The following NUTM2E variants were observed in gnomAD, a reference collection of about 807,000 sequenced individuals.
NUTM2E encodes NUT family member 2E, also known as family with sequence similarity 22, member E.
Under a neutral mutation model 26.1 loss-of-function variants are expected in NUTM2E, and 3 were observed. The observed-to-expected ratio is 0.12, with a 90% CI of 0.05 to 0.30. The LOEUF (loss-of-function observed/expected upper bound fraction) is 0.30, where lower values mean the gene tolerates loss of function less well. Among genes scored for constraint, NUTM2E ranks in the 10% least tolerant of loss-of-function variants. The pLI is 1.00. For missense variants in NUTM2E, 62 were observed against 381.3 expected, an observed-to-expected ratio of 0.16 and a Z score of 6.97; for synonymous variants, 13 against 157.5, an observed-to-expected ratio of 0.08 and a Z score of 6.87.
chr10:79,832,093 TC>T, intron 1 of NUTM2E, among the ~76,000 whole-genome samples: 1 of 152,240 alleles, frequency 6.6e-6, no homozygotes, highest in South Asian at 2.1e-4. Context: ...ACTAATTACT[TC>T]CCAAGGGCCC....
At chr10:79,838,179 G>C (rs1841975547) in intron 1 of NUTM2E, among the ~76,000 whole-genome samples, 130 bp from the exon 2 acceptor site, 1 of 148,010 alleles carries the variant, frequency 6.8e-6, no homozygotes, top group Non-Finnish European at 1.5e-5. Flanking sequence ...GTCTTTATTT[G>C]TAAATCCCAC....
intron 5 of NUTM2E, among the ~76,000 whole-genome samples, chr10:79,845,380 T>G (rs1168819448): frequency 8.8e-6 from 1 of 113,208 alleles, no homozygotes; most frequent in Non-Finnish European, 2.2e-5. Context: ...GGCCCTGCAC[T>G]GGGGCCGATG....
chr10:79,828,022 C>T (rs1841899579), intron 1 of NUTM2E, among the ~76,000 whole-genome samples: 1 of 151,310 alleles, frequency 6.6e-6, no homozygotes. Context: ...CGCAAACTCC[C>T]GACCTTAGGT....
intron 1 of NUTM2E, among the ~76,000 whole-genome samples, chr10:79,835,909 T>C (rs1173069260): frequency 8.9e-5 from 13 of 146,432 alleles, no homozygotes; most frequent in Non-Finnish European, 1.8e-4. Flanking sequence ...CACACGATTA[T>C]GCTAGTTTTT....
Position 79,830,310 on chromosome 10 carries a change from C to G in NUTM2E, c.-2728+2953C>G, listed in dbSNP as rs572222392. Among the ~76,000 whole-genome samples, 10 of 151,560 alleles carry G rather than the reference C, an allele frequency of 6.6e-5. No homozygotes were observed. The South Asian group carries it at 2.1e-3, about 32-fold the overall frequency. The stretch of plus-strand genomic sequence containing the variant: ...ATGCATCTGGATGGTTAAAAAAATC[C>G]AATCATACATAACTGAAGAAAATGT... On this transcript the variant is annotated intron_variant, in intron 1 of 9. Transcript: ENST00000429984.
At chr10:79,832,860 A>G (rs61862764) in intron 1 of NUTM2E, among the ~76,000 whole-genome samples, 11,258 of 151,604 alleles carry the variant, frequency 0.074, 753 homozygotes, top group South Asian at 0.2. Flanking sequence ...AATGAGAAAC[A>G]GTGTATGTGT....
intron 1 of NUTM2E, among the ~76,000 whole-genome samples, chr10:79,828,102 G>T (rs1841900691): frequency 6.6e-6 from 1 of 151,462 alleles, no homozygotes; most frequent in South Asian, 2.1e-4. Context: ...GCCGACAGGT[G>T]TTTTTTATGA....
chr10:79,834,420 G>T (rs1420625683), intron 1 of NUTM2E, among the ~76,000 whole-genome samples: 2 of 151,426 alleles, frequency 1.3e-5, no homozygotes, highest in African/African-American at 4.8e-5. Context: ...TCACAGTTGG[G>T]CAGGGCATGG....
At chr10:79,831,314 G>A (rs1417846189) in intron 1 of NUTM2E, among the ~76,000 whole-genome samples, 1 of 151,244 alleles carries the variant, frequency 6.6e-6, no homozygotes, top group Non-Finnish European at 1.5e-5. Flanking sequence ...CTACTTAACA[G>A]TTAAACATTA....
chr10:79,849,011 G>C, intron 8 of NUTM2E, 116 bp downstream of exon 8: 1 of 862,568 alleles, frequency 1.2e-6, no homozygotes, highest in Non-Finnish European at 1.7e-6. Context: ...CCATGGATTT[G>C]AGTGTCTGTG....
chr10:79,828,012 C>T (rs1841899488), intron 1 of NUTM2E, among the ~76,000 whole-genome samples: 1 of 151,422 alleles, frequency 6.6e-6, no homozygotes. Flanking sequence ...TCAGGCTGGT[C>T]GCAAACTCCC....
intron 1 of NUTM2E, among the ~76,000 whole-genome samples, chr10:79,834,844 A>AC (rs1841951612): frequency 2.0e-5 from 3 of 149,000 alleles, no homozygotes; most frequent in African/African-American, 4.9e-5. Context: ...ACACACACAC[A>AC]AACACACAAA....
At chr10:79,833,036 C>T (rs1419855166) in intron 1 of NUTM2E, among the ~76,000 whole-genome samples, 1 of 151,596 alleles carries the variant, frequency 6.6e-6, no homozygotes, top group Non-Finnish European at 1.5e-5. Flanking sequence ...ACAGAATATT[C>T]AAATAGAAAA....
rs1410162281 is a variant in NUTM2E at position 79,839,009 on chromosome 10, G to A, written c.-2220G>A. Among the ~76,000 whole-genome samples, 10 of 150,068 alleles carry A rather than the reference G, an allele frequency of 6.7e-5. No individual in the cohort carries two copies. Among genetic ancestry groups the A allele is most frequent in the South Asian group, 2.1e-4 (1 of 4,728 alleles). ...GCTGGAGATGTGGAAATGGAGGGAC[G>A]CGGCACCTGGGTGCTTCCTGGGGCC... On this transcript the variant is annotated 5_prime_UTR_variant, in exon 3 of 10. Transcript: ENST00000429984.
At chr10:79,827,975 A>G (rs996278200) in intron 1 of NUTM2E, among the ~76,000 whole-genome samples, 1 of 151,076 alleles carries the variant, frequency 6.6e-6, no homozygotes, top group Non-Finnish European at 1.5e-5. Flanking sequence ...TTGTGTTTTT[A>G]TTAGAGACGG....
rs1841889146 is a variant in NUTM2E at position 79,827,149 on chromosome 10, C to T, written c.-2936C>T. On this transcript the variant is annotated 5_prime_UTR_variant, in exon 1 of 10. Coordinates refer to ENST00000429984, the MANE Select transcript of NUTM2E (RefSeq NM_001355263.2). ...TGGCCGGGCCAGCCTCTTGATGCAC[C>T]GGGGACGGGCGCGCCCATCCGACTC... 6.5e-6 allele frequency: 1 copy of T among 152,834 alleles called. No individual in the cohort carries two copies. 9.5% of individuals were successfully genotyped at this position (152,834 alleles called of 1,614,324 possible).
chr10:79,831,499 T>C (rs1403504635), intron 1 of NUTM2E, among the ~76,000 whole-genome samples: 1 of 151,342 alleles, frequency 6.6e-6, no homozygotes. Flanking sequence ...GAGACCAGGT[T>C]TGGCAAAAAG....
chr10:79,834,235 C>T (rs1006216295), intron 1 of NUTM2E, among the ~76,000 whole-genome samples: 1 of 151,512 alleles, frequency 6.6e-6, no homozygotes, highest in Admixed American at 6.6e-5. Context: ...GGAGGGATAG[C>T]ATTAAGAGAA....
At chr10:79,830,835 G>A (rs954029133) in intron 1 of NUTM2E, among the ~76,000 whole-genome samples, 85 of 151,740 alleles carry the variant, frequency 5.6e-4, no homozygotes, top group African/African-American at 2.0e-3. Context: ...TAGGCGGGTT[G>A]TCTTCTCTAA....
Sources: gnomAD v4.1 joint callset for allele counts (sites outside exome capture counted in the v4.1 genomes callset) on GRCh38, gnomAD v4.1.1 for gene constraint, MANE v1.5 for transcripts, NCBI Gene and HGNC (gene_info 2026-07-23, HGNC 2026-07-21) for gene names.